The following UNC93A variants were observed in gnomAD, a reference collection of about 807,000 sequenced individuals.
UNC93A encodes unc-93 homolog A.
In UNC93A, 43 loss-of-function variants were observed where a neutral mutation model predicts 47.5. The ratio of observed to expected loss-of-function variants is 0.91; its 90% confidence interval spans 0.71 to 1.17. The LOEUF is 1.17. Among genes scored for constraint, UNC93A ranks in the 50% most tolerant of loss-of-function variants. The probability of loss-of-function intolerance (pLI) is 0.00; values close to 1 mark genes in which losing one functional copy is unlikely to be tolerated. For missense variants in UNC93A, 605 were observed against 577.6 expected (o/e 1.05, Z -0.49); for synonymous variants, 280 against 258.0 (o/e 1.09, Z -0.82).
rs570653698 is a variant in UNC93A, at chr6:167,283,976, G to T, written c.-51-7463G>T. Among the ~76,000 whole-genome samples, 122 of 152,316 alleles carry T rather than the reference G, an allele frequency of 8.0e-4. 1 individual carries two copies. Among genetic ancestry groups the T allele is most frequent in the Middle Eastern group, 6.8e-3 (2 of 294 alleles). ...AGCACATTAAATCCCATCTGGGAAGGTTCACACTCAGGGTCAGGCTTTCCC... is the reference window on the plus strand; with the variant it reads ...AGCACATTAAATCCCATCTGGGAAGTTTCACACTCAGGGTCAGGCTTTCCC... On this transcript the variant is annotated intron_variant, in intron 1 of 3. Coordinates refer to the UNC93A transcript ENST00000503433.
At chr6:167,277,953 T>C (rs914874279) in intron 1 of UNC93A, among the ~76,000 whole-genome samples, 10 of 152,178 alleles carry the variant, frequency 6.6e-5, no homozygotes. Flanking sequence ...TCCTGTCCTG[T>C]GCTGTCCTGG....
rs1269151814 is a variant in UNC93A, at chr6:167,295,415, CGCCTCCCTCGTGATCCTCG to C, written c.270-604_270-586del. On this transcript the variant is annotated intron_variant, in intron 2 of 7. Coordinates refer to ENST00000230256, the MANE Select transcript of UNC93A (RefSeq NM_018974.4). ...TGCTCCTCGCCTCCCTCGTGCTCCT[CGCCTCCCTCGTGATCCTCG>C]GCCTCCCTCGTGCTCCTCGCCTCCC... Among the ~76,000 whole-genome samples, 149 of 145,202 alleles carry C rather than the reference CGCCTCCCTCGTGATCCTCG, an allele frequency of 1.0e-3. 7 individuals carry two copies. Among genetic ancestry groups the C allele is most frequent in the African/African-American group, 2.5e-3 (88 of 35,448 alleles).
intron 4 of UNC93A, among the ~76,000 whole-genome samples, chr6:167,299,328 T>C (rs1275441478): frequency 6.6e-6 from 1 of 152,026 alleles, no homozygotes; most frequent in African/African-American, 2.4e-5. Flanking sequence ...ACTCCTGCAC[T>C]CTGCCGGGGT....
chr6:167,292,845 T>C (rs988166844), intron 1 of UNC93A, among the ~76,000 whole-genome samples: 4 of 152,182 alleles, frequency 2.6e-5, no homozygotes, highest in African/African-American at 9.7e-5. Context: ...AAAGCTCACC[T>C]GCCTGCAGAA....
rs746055663 is a variant in UNC93A at position 167,291,472 on chromosome 6, A to G, written c.-18A>G. The G allele has an allele frequency of 1.9e-6, 3 of 1,604,942 alleles. No individual in the cohort carries two copies. Among genetic ancestry groups the G allele is most frequent in the South Asian group, 2.3e-5 (2 of 88,486 alleles). On this transcript the variant is annotated 5_prime_UTR_variant, in exon 1 of 8. It removes the in-frame stop codon of an upstream open reading frame in the 5' UTR. Coordinates refer to ENST00000230256, the MANE Select transcript of UNC93A (RefSeq NM_018974.4). ...AAATTTACGTGTTCACTGGTGATTG[A>G]TCTTTTCATCCAGCACAATGGACAG...
intron 6 of UNC93A, among the ~76,000 whole-genome samples, chr6:167,306,593 G>A (rs920845385): frequency 5.9e-5 from 9 of 152,208 alleles, no homozygotes; most frequent in South Asian, 4.1e-4. Context: ...GAAAAACAGC[G>A]CCTGGCATGT....
At chr6:167,284,367 T>C (rs1783684874) in intron 1 of UNC93A, among the ~76,000 whole-genome samples, 5 of 152,032 alleles carry the variant, frequency 3.3e-5, no homozygotes. Context: ...TAATAGCTGA[T>C]GAGCAGATAA....
chr6:167,310,684 C>T (rs932467392), intron 7 of UNC93A, among the ~76,000 whole-genome samples: 5 of 152,166 alleles, frequency 3.3e-5, no homozygotes, highest in African/African-American at 1.2e-4. Flanking sequence ...AGTTCAAGAC[C>T]AGCCTGGCCA....
chr6:167,312,606 T>C (rs1778591360), intron 7 of UNC93A, among the ~76,000 whole-genome samples: 1 of 152,248 alleles, frequency 6.6e-6, no homozygotes, highest in Non-Finnish European at 1.5e-5. Flanking sequence ...TAGCCCCCAC[T>C]GCGTAGCTGT....
intron 1 of UNC93A, among the ~76,000 whole-genome samples, chr6:167,272,553 G>T (rs561549401): frequency 6.6e-6 from 1 of 152,314 alleles, no homozygotes; most frequent in East Asian, 1.9e-4. Context: ...GAGCAGCTTG[G>T]ATTTATACAT....
chr6:167,307,058 C>T (rs1778418430), intron 6 of UNC93A, among the ~76,000 whole-genome samples: 1 of 152,168 alleles, frequency 6.6e-6, no homozygotes, highest in African/African-American at 2.4e-5. Flanking sequence ...CAGATGAAAC[C>T]ATGGGCACAC....
At position 167,285,729 on chromosome 6, in the gene UNC93A, AG is replaced by A. The variant is rs1783715661; in HGVS notation, c.-51-5707del. Among the ~76,000 whole-genome samples, 2 of 151,598 alleles carry A rather than the reference AG, an allele frequency of 1.3e-5. 1 individual carries two copies. Among genetic ancestry groups the A allele is most frequent in the South Asian group, 4.2e-4 (2 of 4,744 alleles). On this transcript the variant is annotated intron_variant, in intron 1 of 3. Coordinates refer to the UNC93A transcript ENST00000503433. ...TCAACCAGGAGAATGGGCAGCCTGG[AG>A]GGTAGGTGGGGGGCTTAGCTTACCT... is the stretch of plus-strand genomic sequence containing the variant.
At chr6:167,271,999 G>A (rs1212269915) in intron 1 of UNC93A, among the ~76,000 whole-genome samples, 2 of 152,192 alleles carry the variant, frequency 1.3e-5, no homozygotes, top group Non-Finnish European at 2.9e-5. Context: ...GCCTAGACTT[G>A]CCCCAGTGAT....
At chr6:167,288,653 T>C (rs1783786097), upstream of UNC93A, among the ~76,000 whole-genome samples, 1 of 152,232 alleles carries the variant, frequency 6.6e-6, no homozygotes, top group Admixed American at 6.5e-5. Context: ...GATGTAAATG[T>C]CAAGAAAATT....
chr6:167,296,141 G>A lies in UNC93A; in HGVS notation c.379G>A (p.Gly127Arg). 1 of 1,614,212 alleles carries A rather than the reference G, an allele frequency of 6.2e-7. No homozygotes were observed. Residue 127 changes from glycine to arginine, a missense_variant, in exon 3 of 8, where the codon GGA (glycine) becomes AGA (arginine). Coordinates refer to ENST00000230256, the MANE Select transcript of UNC93A (RefSeq NM_018974.4). ...ITGNTHAEKA[G>R]KRGKDMVNQY... ...GGGAAACACACATGCAGAGAAGGCGGGAAAGCGTGGCAAAGACATGGTGAA... is the reference window on the plus strand; with the variant it reads ...GGGAAACACACATGCAGAGAAGGCGAGAAAGCGTGGCAAAGACATGGTGAA...
intron 1 of UNC93A, among the ~76,000 whole-genome samples, chr6:167,272,045 G>A (rs986110244): frequency 1.3e-5 from 2 of 152,204 alleles, no homozygotes; most frequent in Non-Finnish European, 2.9e-5. Flanking sequence ...CAGGAGTGGG[G>A]ACACCTTCAC....
Position 167,285,938 on chromosome 6 carries a change from T to TTCTCTCTCTCTC in UNC93A, c.-51-5489_-51-5478dup, listed in dbSNP as rs138265267. Reference sequence around the variant, plus strand: ...ATGTCCAGTGAAGAGTTAGTTTTCTTTCTCTCTCTCTCTCTCTCTCTCTAT... The same window carrying TTCTCTCTCTCTC: ...ATGTCCAGTGAAGAGTTAGTTTTCTTTCTCTCTCTCTCTCTCTCTCTCTCTCTCTCTCTCTAT... On this transcript the variant is annotated intron_variant, in intron 1 of 3. Transcript: ENST00000503433. 6.9e-3 allele frequency among the ~76,000 whole-genome samples: 904 copies of TTCTCTCTCTCTC among 131,660 alleles called. 20 individuals are homozygous for TTCTCTCTCTCTC. Among genetic ancestry groups the TTCTCTCTCTCTC allele is most frequent in the African/African-American group, 0.025 (831 of 33,646 alleles). 86.4% of individuals were successfully genotyped at this position (131,660 alleles called of 152,430 possible).
At chr6:167,299,557 A>G (rs1778183498) in intron 4 of UNC93A, among the ~76,000 whole-genome samples, 1 of 152,228 alleles carries the variant, frequency 6.6e-6, no homozygotes, top group African/African-American at 2.4e-5. Flanking sequence ...GCTCGCCTTT[A>G]GTAAGCTGAG....
chr6:167,308,511 A>T (rs1778466143), intron 7 of UNC93A, among the ~76,000 whole-genome samples: 1 of 151,810 alleles, frequency 6.6e-6, no homozygotes, highest in Non-Finnish European at 1.5e-5. Context: ...GCTTCCTCCT[A>T]GAGGCTACAT....
Sources: allele counts gnomAD v4.1 joint callset (sites outside exome capture counted in the v4.1 genomes callset), GRCh38; gene constraint gnomAD v4.1.1; transcripts MANE v1.5; gene names NCBI Gene and HGNC (gene_info 2026-07-23, HGNC 2026-07-21).